The following MED12L variants were observed in gnomAD, a reference collection of about 807,000 sequenced individuals.
MED12L encodes the protein mediator complex subunit 12L.
A neutral mutation model predicts 281.3 loss-of-function variants in MED12L; 60 were observed. That is an observed-to-expected ratio of 0.21 (90% CI 0.17 to 0.26). MED12L has a LOEUF of 0.26. MED12L is among the 10% of genes least tolerant of loss of function. The pLI, the probability that MED12L is intolerant of heterozygous loss-of-function variation, is 1.00. For synonymous variants in MED12L, 974 were observed against 987.2 expected, an observed-to-expected ratio of 0.99 and a Z score of 0.25; for missense variants, 2,146 against 2,680.9, an observed-to-expected ratio of 0.80 and a Z score of 4.41.
chr3:151,420,187 T>C (rs565319724), intron 43 of MED12L, among the ~76,000 whole-genome samples: 1 of 152,260 alleles, frequency 6.6e-6, no homozygotes, highest in East Asian at 1.9e-4. Flanking sequence ...CCCTAATGGA[T>C]CTCGTGTATT....
Position 151,376,070 on chromosome 3 carries a change from T to C in MED12L, c.3909T>C (p.Cys1303=). 1 of 1,606,354 alleles carries C rather than the reference T, an allele frequency of 6.2e-7. No homozygotes were observed. Among genetic ancestry groups the C allele is most frequent in the East Asian group, 2.2e-5 (1 of 44,604 alleles). Residue 1303 remains cysteine (C), a synonymous_variant, in exon 28 of 45, where the codon TGT becomes TGC. Coordinates refer to ENST00000687756, the MANE Select transcript of MED12L (RefSeq NM_001393769.1). ...GCTTAAAAGAACCTGAAAGATTATG[T>C]ACAGACAAAGAACTTATATTGGACC... ...EHCLKEPERL[C]TDKELILDPV... is the part of the protein sequence containing the mutation.
At chr3:151,214,307 A>T in intron 16 of MED12L, 1 of 1,612,640 alleles carries the variant, frequency 6.2e-7, no homozygotes, top group East Asian at 2.2e-5. Context: ...GTGGAGGTTG[A>T]ATTGATCATC....
At chr3:151,188,609 G>T in intron 13 of MED12L, 129 bp downstream of exon 13, 2 of 879,500 alleles carry the variant, frequency 2.3e-6, no homozygotes, top group South Asian at 5.3e-5. Context: ...GTTTTACTGA[G>T]CAAAATTTTG....
rs139562917 is a variant in MED12L at position 151,397,113 on chromosome 3, G to T, written c.5820+2246G>T. Among the ~76,000 whole-genome samples, 28 of 152,000 alleles carry T rather than the reference G, an allele frequency of 1.8e-4. No individual in the cohort carries two copies. In the East Asian group the frequency reaches 5.2e-3, roughly 28 times the overall value. The stretch of plus-strand genomic sequence containing the variant: ...TTGTGCTAACTCCATTACAGTGTTG[G>T]ATTTTTTTTCTTTATTCTTCTCTTT... On this transcript the variant is annotated intron_variant, in intron 39 of 44. Transcript: ENST00000687756.
intron 16 of MED12L, among the ~76,000 whole-genome samples, chr3:151,245,897 A>C (rs28870986): frequency 0.012 from 1,763 of 151,848 alleles, 21 homozygotes; most frequent in East Asian, 0.042. Context: ...AAATCTCCTT[A>C]AGCTGATAAG....
intron 36 of MED12L, among the ~76,000 whole-genome samples, chr3:151,385,992 T>C (rs571911976): frequency 6.6e-6 from 1 of 152,084 alleles, no homozygotes; most frequent in Non-Finnish European, 1.5e-5. Flanking sequence ...TAATGAGATT[T>C]GTGTGACATG....
intron 6 of MED12L, among the ~76,000 whole-genome samples, chr3:151,158,013 A>C (rs1432635132): frequency 1.3e-5 from 2 of 152,246 alleles, no homozygotes; most frequent in African/African-American, 4.8e-5. Context: ...ATATGAAGGC[A>C]AGAGACAAAA....
intron 16 of MED12L, among the ~76,000 whole-genome samples, chr3:151,251,393 T>TA (rs1165689846): frequency 6.6e-6 from 1 of 152,150 alleles, no homozygotes; most frequent in East Asian, 1.9e-4. Context: ...TTTTTTTTTT[T>TA]ATGCTTAAAT....
chr3:151,131,490 C>G (rs538497152), intron 5 of MED12L, among the ~76,000 whole-genome samples: 1 of 152,082 alleles, frequency 6.6e-6, no homozygotes, highest in African/African-American at 2.4e-5. Context: ...ACCTGTATTC[C>G]CAGCTACTCA....
At chr3:151,276,456 G>A (rs1741871655) in intron 16 of MED12L, among the ~76,000 whole-genome samples, 1 of 152,202 alleles carries the variant, frequency 6.6e-6, no homozygotes, top group Non-Finnish European at 1.5e-5. Flanking sequence ...GGCAGAATAT[G>A]CTTGTGTTGG....
At chr3:151,293,616 CACGGTCCTAAAATGAAGCCCTT>C (rs1744581530) in intron 16 of MED12L, among the ~76,000 whole-genome samples, 1 of 78,634 alleles carries the variant, frequency 1.3e-5, no homozygotes, top group African/African-American at 3.8e-5. Flanking sequence ...CACACACACA[CACGGTCCTAAAATGAAGCCCTT>C]ACACACACAC....
At chr3:151,378,342 A>G (rs759064982) in intron 31 of MED12L, among the ~76,000 whole-genome samples, 169 bp downstream of exon 31, 1 of 152,246 alleles carries the variant, frequency 6.6e-6, no homozygotes, top group Non-Finnish European at 1.5e-5. Flanking sequence ...AAAAAATTTC[A>G]GGTTATAATC....
At chr3:151,191,971 A>G (rs918342526) in intron 14 of MED12L, among the ~76,000 whole-genome samples, 1 of 152,196 alleles carries the variant, frequency 6.6e-6, no homozygotes, top group African/African-American at 2.4e-5. Flanking sequence ...ATTTTTTAAA[A>G]CAGTAGCTAT....
chr3:151,368,689 TATTTCATTTCATTTCATTTCATTTC>T (rs1175917645), intron 25 of MED12L, among the ~76,000 whole-genome samples: 30 of 42,002 alleles, frequency 7.1e-4, no homozygotes, highest in East Asian at 4.5e-3. Flanking sequence ...CATTTCATTT[TATTTCATTTCATTTCATTTCATTTC>T]ATTTCATTTC....
At chr3:151,189,167 G>A (rs933321116) in intron 13 of MED12L, among the ~76,000 whole-genome samples, 4 of 152,160 alleles carry the variant, frequency 2.6e-5, no homozygotes, top group Non-Finnish European at 5.9e-5. Context: ...AAAAGGTTGG[G>A]GAGGAGGAAG....
intron 5 of MED12L, among the ~76,000 whole-genome samples, chr3:151,151,346 A>G (rs1368366261): frequency 1.3e-5 from 2 of 151,796 alleles, no homozygotes; most frequent in African/African-American, 4.8e-5. Flanking sequence ...CTGAAGTAGC[A>G]TTTTTAATTT....
At chr3:151,319,468 CGTGTGTGTGTGTGTGTGTGTGTGTGT>C (rs34335179) in intron 16 of MED12L, among the ~76,000 whole-genome samples, 3 of 145,552 alleles carry the variant, frequency 2.1e-5, no homozygotes, top group African/African-American at 5.1e-5. Context: ...TGTGTGTGTG[CGTGTGTGTGTGTGTGTGTGTGTGTGT>C]GTGTGTGTGT....
chr3:151,357,088 A>G, intron 19 of MED12L, 125 bp from the exon 20 acceptor site: 1 of 871,270 alleles, frequency 1.1e-6, no homozygotes, highest in Non-Finnish European at 1.7e-6. Context: ...AAATTTTAAA[A>G]AAGTTAAATT....
At chr3:151,225,225 G>C (rs1467252184) in intron 16 of MED12L, among the ~76,000 whole-genome samples, 13 of 152,138 alleles carry the variant, frequency 8.5e-5, no homozygotes, top group African/African-American at 2.9e-4. Context: ...TTCTCTCTCT[G>C]TAATTGGCTA....
Sources: gnomAD v4.1 joint callset for allele counts (sites outside exome capture counted in the v4.1 genomes callset) on GRCh38, gnomAD v4.1.1 for gene constraint, MANE v1.5 for transcripts, NCBI Gene and HGNC (gene_info 2026-07-23, HGNC 2026-07-21) for gene names.